ZRANB3: variants seen among roughly 807,000 people sequenced by gnomAD.
ZRANB3 encodes DNA annealing helicase and endonuclease ZRANB3.
A neutral mutation model predicts 133.8 loss-of-function variants in ZRANB3; 125 were observed. That is an observed-to-expected ratio of 0.93 (90% CI 0.81 to 1.08). The LOEUF (loss-of-function observed/expected upper bound fraction) is 1.08, where lower values mean the gene tolerates loss of function less well. Among genes scored for constraint, ZRANB3 ranks in the 50% least tolerant of loss-of-function variants. The pLI is 0.00. For synonymous variants in ZRANB3, 387 were observed against 432.7 expected (o/e 0.89, Z 1.31); for missense variants, 1,229 against 1,275.5 (o/e 0.96, Z 0.56).
chr2:135,503,941 G>A (rs899465792), intron 2 of ZRANB3, among the ~76,000 whole-genome samples: 1 of 152,028 alleles, frequency 6.6e-6, no homozygotes, highest in African/African-American at 2.4e-5. Context: ...CTACACTCCA[G>A]CCTGGGTGAA....
chr2:135,480,765 TC>T (rs1442965438), intron 2 of ZRANB3, among the ~76,000 whole-genome samples: 4 of 78,032 alleles, frequency 5.1e-5, no homozygotes, highest in Admixed American at 1.8e-4. Context: ...CCCTCCCCCC[TC>T]CCCCCACCCG....
At chr2:135,289,807 G>A (rs1681594239) in intron 8 of ZRANB3, among the ~76,000 whole-genome samples, 2 of 152,184 alleles carry the variant, frequency 1.3e-5, no homozygotes, top group African/African-American at 4.8e-5. Context: ...GGAGGCTGAG[G>A]CAGGAGAATT....
At chr2:135,382,708 T>C (rs1190008918) in intron 3 of ZRANB3, among the ~76,000 whole-genome samples, 1 of 150,024 alleles carries the variant, frequency 6.7e-6, no homozygotes, top group African/African-American at 2.5e-5. Flanking sequence ...AGAAAAGAAT[T>C]TTCAACCCAG....
chr2:135,434,749 T>C (rs1190164907), intron 2 of ZRANB3, among the ~76,000 whole-genome samples: 1 of 152,232 alleles, frequency 6.6e-6, no homozygotes, highest in Admixed American at 6.5e-5. Context: ...GATAAGACTA[T>C]AAACTAATCT....
chr2:135,406,960 A>C (rs1206444209), intron 2 of ZRANB3, among the ~76,000 whole-genome samples: 3 of 152,346 alleles, frequency 2.0e-5, no homozygotes, highest in African/African-American at 7.2e-5. Context: ...TAGTGTTGGA[A>C]GTTCTGGCCA....
Position 135,414,908 on chromosome 2 carries a change from G to A in ZRANB3, c.162-24088C>T, listed in dbSNP as rs369617922. ...ATAAAGATGTTCTTTGAAACCAACG[G>A]GAACAAAGACACAACATACCAGAAT... On this transcript the variant is annotated intron_variant, in intron 2 of 20. Coordinates refer to ENST00000264159, the MANE Select transcript of ZRANB3 (RefSeq NM_032143.4). Among the ~76,000 whole-genome samples, 9 of 151,676 alleles carry A rather than the reference G, an allele frequency of 5.9e-5. No homozygotes were observed. The East Asian group carries it at 9.7e-4, about 16-fold the overall frequency.
At chr2:135,403,506 T>C (rs1324927956) in intron 2 of ZRANB3, among the ~76,000 whole-genome samples, 1 of 152,196 alleles carries the variant, frequency 6.6e-6, no homozygotes, top group Non-Finnish European at 1.5e-5. Context: ...CTGCCTGCCT[T>C]TGTAGACTCC....
Position 135,497,956 on chromosome 2 carries a change from G to A in ZRANB3, c.161+6373C>T, listed in dbSNP as rs184984525. ...TAGTCCCAGCTACTCAGGAGGCTGAGGCAGGAGAATCGCTGGAACCCAGAA... is the reference window on the plus strand; with the variant it reads ...TAGTCCCAGCTACTCAGGAGGCTGAAGCAGGAGAATCGCTGGAACCCAGAA... On this transcript the variant is annotated intron_variant, in intron 2 of 20. Transcript: ENST00000264159. Among the ~76,000 whole-genome samples, 452 of 152,112 alleles carry A rather than the reference G, an allele frequency of 3.0e-3. 2 individuals are homozygous for A. The highest frequency in any genetic ancestry group is 0.01 in the African/African-American group (424 of 41,490).
intron 17 of ZRANB3, among the ~76,000 whole-genome samples, chr2:135,210,913 C>T (rs1290205824): frequency 6.6e-6 from 1 of 151,954 alleles, no homozygotes; most frequent in East Asian, 1.9e-4. Flanking sequence ...TCTGTAATCT[C>T]AGCTACTCAG....
rs551060724 is a variant in ZRANB3 at position 135,391,034 on chromosome 2, T to C, written c.162-214A>G. Among the ~76,000 whole-genome samples the C allele has an allele frequency of 5.5e-4, 84 of 152,218 alleles. 1 individual carries two copies. The highest frequency in any genetic ancestry group is 1.6e-3 in the Admixed American group (25 of 15,292). On this transcript the variant is annotated intron_variant, in intron 2 of 20. Coordinates refer to ENST00000264159, the MANE Select transcript of ZRANB3 (RefSeq NM_032143.4). ...TGTCACCACGCCCATCTAATTTTTG[T>C]ATTTTTAGTAGAGAAGGGGTTTCAC...
chr2:135,212,096 T>C (rs1694114583), intron 17 of ZRANB3, among the ~76,000 whole-genome samples: 1 of 152,244 alleles, frequency 6.6e-6, no homozygotes. Context: ...TGCATTCCTA[T>C]TAAGAGTAAG....
intron 1 of ZRANB3, chr2:135,510,532 A>G (rs1231746401): frequency 3.1e-6 from 2 of 647,790 alleles, no homozygotes; most frequent in Non-Finnish European, 5.6e-6. Context: ...GGCCGCGTGA[A>G]GATCCATGAA....
intron 2 of ZRANB3, among the ~76,000 whole-genome samples, chr2:135,412,525 T>C (rs1688353896): frequency 6.6e-6 from 1 of 152,174 alleles, no homozygotes; most frequent in East Asian, 1.9e-4. Context: ...AATATTCTAA[T>C]GAATATTATT....
intron 6 of ZRANB3, among the ~76,000 whole-genome samples, chr2:135,343,914 G>A (rs1356191097): frequency 7.1e-6 from 1 of 140,348 alleles, no homozygotes; most frequent in African/African-American, 3.3e-5. Flanking sequence ...CTGACACTAA[G>A]CTGGTGGAAA....
chr2:135,437,789 A>G (rs1689611083), intron 2 of ZRANB3, among the ~76,000 whole-genome samples: 2 of 152,222 alleles, frequency 1.3e-5, no homozygotes, highest in African/African-American at 4.8e-5. Flanking sequence ...TGGTGTGTCA[A>G]CATGACTGGG....
rs144240935 is a variant in ZRANB3 at position 135,244,636 on chromosome 2, T to C, written c.1540-13709A>G. Among the ~76,000 whole-genome samples the C allele has an allele frequency of 2.7e-3, 407 of 151,530 alleles. 4 individuals carry two copies. Among genetic ancestry groups the C allele is most frequent in the African/African-American group, 7.8e-3 (324 of 41,364 alleles). ...ATAAATAAATAAATAAATAAATAAATAAACAAACAAAACAACTAAAGAAAC... is the reference window on the plus strand; with the variant it reads ...ATAAATAAATAAATAAATAAATAAACAAACAAACAAAACAACTAAAGAAAC... On this transcript the variant is annotated intron_variant, in intron 12 of 20. Coordinates refer to ENST00000264159, the MANE Select transcript of ZRANB3 (RefSeq NM_032143.4).
At chr2:135,353,421 C>A (rs373385623) in intron 4 of ZRANB3, 29 bp downstream of exon 4, 54 of 1,490,466 alleles carry the variant, frequency 3.6e-5, no homozygotes, top group Non-Finnish European at 4.7e-5. Flanking sequence ...GAAGACTTTT[C>A]TCCTTAAATA....
At chr2:135,426,148 C>T (rs1288486070) in intron 2 of ZRANB3, among the ~76,000 whole-genome samples, 2 of 152,016 alleles carry the variant, frequency 1.3e-5, no homozygotes, top group Non-Finnish European at 2.9e-5. Context: ...GAAACTGGAT[C>T]CCTGAAAAGA....
chr2:135,437,529 G>C (rs1689602873), intron 2 of ZRANB3, among the ~76,000 whole-genome samples: 1 of 152,168 alleles, frequency 6.6e-6, no homozygotes, highest in African/African-American at 2.4e-5. Flanking sequence ...TTTAGATGCT[G>C]GTTATACAGG....
Sources: gnomAD v4.1 joint callset for allele counts (sites outside exome capture counted in the v4.1 genomes callset) on GRCh38, gnomAD v4.1.1 for gene constraint, MANE v1.5 for transcripts, NCBI Gene and HGNC (gene_info 2026-07-23, HGNC 2026-07-21) for gene names.